The following PRCC variants were observed in gnomAD, a reference collection of about 807,000 sequenced individuals.
PRCC encodes the protein proline-rich protein PRCC.
In PRCC, 10 loss-of-function variants were observed where a neutral mutation model predicts 44.0. That is an observed-to-expected ratio of 0.23 (90% confidence interval 0.14 to 0.39). The LOEUF is 0.39. Among genes scored for constraint, PRCC ranks in the 10% least tolerant of loss-of-function variants. PRCC has a pLI of 1.00. For missense variants in PRCC, 573 were observed against 624.7 expected (o/e 0.92, Z 0.88); for synonymous variants, 278 against 259.5 (o/e 1.07, Z -0.69).
rs575593280 is a variant in PRCC, at chr1:156,768,165, C to T, written c.394C>T (p.Pro132Ser). ...CCCTCCAATTGGCGGTGCCGGTCCC[C>T]CGCTGGGGCTTCCCAAGCCAAAGAA... Reference protein sequence around the residue: ...LPPPIGGAGPPLGLPKPKKRK... With the variant: ...LPPPIGGAGPSLGLPKPKKRK... The change falls in exon 1 of 7, where the codon CCG (proline) becomes TCG (serine). Residue 132 changes from proline to serine, a missense_variant. Transcript: ENST00000271526. The T allele has an allele frequency of 1.9e-6, 3 of 1,554,138 alleles. No individual in the cohort carries two copies. The Admixed American group carries it at 5.8e-5, about 30-fold the overall frequency.
chr1:156,767,748 G>A lies in PRCC; in HGVS notation c.-24G>A, dbSNP rs1313047303. On this transcript the variant is annotated 5_prime_UTR_variant, in exon 1 of 7. Coordinates refer to ENST00000271526, the MANE Select transcript of PRCC (RefSeq NM_005973.5). ...CAAGTAGGCCTCATCTGCCGGCAAG[G>A]GCGCCCGAAACGCGGGAGGCGCCAT... The A allele has an allele frequency of 6.4e-7, 1 of 1,565,774 alleles. No individual in the cohort carries two copies. Among genetic ancestry groups the A allele is most frequent in the South Asian group, 1.2e-5 (1 of 85,136 alleles).
intron 3 of PRCC, among the ~76,000 whole-genome samples, chr1:156,787,417 A>T (rs1652293879): frequency 7.2e-6 from 1 of 138,060 alleles, no homozygotes; most frequent in Admixed American, 7.2e-5. Flanking sequence ...TTTATTTTTT[A>T]TTGATCCATA....
intron 6 of PRCC, among the ~76,000 whole-genome samples, chr1:156,798,952 G>A (rs982553667): frequency 5.3e-5 from 8 of 152,022 alleles, no homozygotes; most frequent in Non-Finnish European, 1.0e-4. Flanking sequence ...AGCAGCTCCC[G>A]TGGAAATGAT....
intron 6 of PRCC, 48 bp from the exon 7 acceptor site, chr1:156,800,326 T>C (rs1358928678): frequency 8.2e-6 from 13 of 1,576,592 alleles, no homozygotes; most frequent in Non-Finnish European, 1.0e-5. Flanking sequence ...GGACAGCGTT[T>C]CTCAGAATTC....
intron 2 of PRCC, among the ~76,000 whole-genome samples, chr1:156,784,837 A>G (rs1170031028): frequency 1.3e-5 from 2 of 152,234 alleles, no homozygotes. Flanking sequence ...GCATAGAGAA[A>G]GCAGAATCTG....
intron 3 of PRCC, chr1:156,791,155 C>A (rs755767793): frequency 1.4e-6 from 2 of 1,415,100 alleles, no homozygotes; most frequent in South Asian, 2.3e-5. Context: ...TGCTTTGTTC[C>A]CAGCTTTGTA....
chr1:156,797,411 C>G (rs151196513), intron 6 of PRCC, 70 bp downstream of exon 6: 12 of 1,570,036 alleles, frequency 7.6e-6, no homozygotes, highest in Middle Eastern at 1.7e-4. Flanking sequence ...GGCTGAGATA[C>G]GAGTTAGAAG....
intron 6 of PRCC, among the ~76,000 whole-genome samples, chr1:156,797,716 A>G (rs1167122252): frequency 6.6e-6 from 1 of 152,218 alleles, no homozygotes; most frequent in Non-Finnish European, 1.5e-5. Flanking sequence ...TTAGCCAAAC[A>G]TCCACCTGAT....
rs929559843 is a variant in PRCC at position 156,800,415 on chromosome 1, G to T, written c.1431G>T (p.Glu477Asp). ...RELELKNTWS[E>D]NKLSRRQTQA... ...TGGAACTGAAGAACACCTGGTCAGA[G>T]AACAAGCTCAGCCGCCGTCAGACCC... Residue 477 changes from glutamate to aspartate, a missense_variant, in exon 7 of 7, where the codon GAG (glutamate) becomes GAT (aspartate). By Grantham distance (45) the Glu-to-Asp change is conservative. Around this residue, in one of 4 missense-constraint regions of PRCC, gnomAD observed 69 missense variants for 139.3 expected, o/e 0.50. Coordinates refer to ENST00000271526, the MANE Select transcript of PRCC (RefSeq NM_005973.5). 1.2e-6 allele frequency: 2 copies of T among 1,614,182 alleles called. No homozygotes were observed. Among genetic ancestry groups the T allele is most frequent in the Non-Finnish European group, 1.7e-6 (2 of 1,180,026 alleles).
intron 3 of PRCC, among the ~76,000 whole-genome samples, chr1:156,788,166 C>T (rs1391422204): frequency 6.6e-6 from 1 of 152,172 alleles, no homozygotes; most frequent in Non-Finnish European, 1.5e-5. Flanking sequence ...TTACCTTCCA[C>T]ACTAAAGTAG....
chr1:156,788,453 G>A (rs1189427390), intron 3 of PRCC, among the ~76,000 whole-genome samples: 2 of 152,138 alleles, frequency 1.3e-5, no homozygotes, highest in African/African-American at 4.8e-5. Context: ...ACAGTGCTGT[G>A]ATGAACATGT....
rs545830035 is a variant in PRCC, at chr1:156,786,337, G to A, written c.517-271G>A. Among the ~76,000 whole-genome samples the A allele has an allele frequency of 8.5e-5, 13 of 152,248 alleles. No homozygotes were observed. The East Asian group carries it at 1.4e-3, about 16-fold the overall frequency. On this transcript the variant is annotated intron_variant, in intron 2 of 6. Coordinates refer to ENST00000271526, the MANE Select transcript of PRCC (RefSeq NM_005973.5). Reference sequence around the variant, plus strand: ...GAAGACACAGAGTTGAGGAAGGCTCGCTCTGTGGAAGAGGGCAGTGGAGCT... The same window carrying A: ...GAAGACACAGAGTTGAGGAAGGCTCACTCTGTGGAAGAGGGCAGTGGAGCT...
intron 1 of PRCC, among the ~76,000 whole-genome samples, chr1:156,779,118 ATATATATATATTTTTTTTTT>A (rs1651939605): frequency 5.2e-5 from 1 of 19,094 alleles, no homozygotes; most frequent in African/African-American, 2.8e-4. Flanking sequence ...ATATATATAT[ATATATATATATTTTTTTTTT>A]TTTTTTTTTT....
intron 1 of PRCC, among the ~76,000 whole-genome samples, chr1:156,774,082 C>T (rs1055884055): frequency 2.0e-5 from 3 of 148,878 alleles, no homozygotes; most frequent in African/African-American, 7.5e-5. Flanking sequence ...ATAGCAGTTA[C>T]CAGGGGCTGG....
chr1:156,780,350 C>T (rs773909076), intron 1 of PRCC, among the ~76,000 whole-genome samples: 4 of 152,058 alleles, frequency 2.6e-5, no homozygotes, highest in Admixed American at 6.5e-5. Context: ...TGAGCCACTG[C>T]GCCACACTGT....
intron 1 of PRCC, among the ~76,000 whole-genome samples, chr1:156,778,410 G>A (rs1038807922): frequency 1.3e-5 from 2 of 152,014 alleles, no homozygotes; most frequent in East Asian, 1.9e-4. Flanking sequence ...TAAATACCAC[G>A]TTTTCTTTAT....
At position 156,790,582 on chromosome 1, in the gene PRCC, A is replaced by G. The variant is rs565279118; in HGVS notation, c.1084-1115A>G. Among the ~76,000 whole-genome samples the G allele has an allele frequency of 8.5e-5, 13 of 152,368 alleles. No homozygotes were observed. The East Asian group carries it at 1.7e-3, about 20-fold the overall frequency. The stretch of plus-strand genomic sequence containing the variant: ...GGTTGCAGTGAGCCAAGATGGCGCC[A>G]TTGCACTCCAGCCTGGGCAACAAGA... On this transcript the variant is annotated intron_variant, in intron 3 of 6. Transcript: ENST00000271526.
chr1:156,789,490 G>A lies in PRCC; in HGVS notation c.1084-2207G>A, dbSNP rs543122505. ...GGATAAGGGAATCTATGGCATAGAT[G>A]TCTAGATAGCAGTTAGTTTAAGAAG... is the stretch of plus-strand genomic sequence containing the variant. On this transcript the variant is annotated intron_variant, in intron 3 of 6. Transcript: ENST00000271526. 2.6e-5 allele frequency among the ~76,000 whole-genome samples: 4 copies of A among 152,304 alleles called. No homozygotes were observed. The South Asian group carries it at 6.2e-4, about 24-fold the overall frequency.
chr1:156,795,285 G>GTTTTTTTTTTTTTTTTTTTTTTTTTTTTT lies in PRCC; in HGVS notation c.1323+501_1323+502insTTTTTTTTTTTTTTTTTTTTTTTTTTTTT, dbSNP rs35911411. On this transcript the variant is annotated intron_variant, in intron 5 of 6. Coordinates refer to ENST00000271526, the MANE Select transcript of PRCC (RefSeq NM_005973.5). ...CTTCCAATTGTTTTCATTTTCTGGT[G>GTTTTTTTTTTTTTTTTTTTTTTTTTTTTT]TTTTTTTTTTTTTTTTTTTTTTTTC... Among the ~76,000 whole-genome samples the GTTTTTTTTTTTTTTTTTTTTTTTTTTTTT allele has an allele frequency of 1.9e-4, 7 of 36,062 alleles. 1 individual carries two copies. The highest frequency in any genetic ancestry group is 7.0e-4 in the African/African-American group (5 of 7,174). 23.7% of individuals were successfully genotyped at this position (36,062 alleles called of 152,430 possible).
Sources: gnomAD v4.1 joint callset for allele counts (sites outside exome capture counted in the v4.1 genomes callset) on GRCh38, gnomAD v4.1.1 for gene constraint, gnomAD v4.1.1 regional missense constraint, MANE v1.5 for transcripts, NCBI Gene and HGNC (gene_info 2026-07-23, HGNC 2026-07-21) for gene names.